Variants in UBE3B observed in about 807,000 individuals in gnomAD.
The protein encoded by UBE3B is ubiquitin-protein ligase E3B.
A neutral mutation model predicts 132.3 loss-of-function variants in UBE3B; 80 were observed. The observed-to-expected ratio is 0.60, with a 90% CI of 0.50 to 0.73. UBE3B has a LOEUF of 0.73. Ranked by LOEUF, UBE3B falls within the 30% of genes least tolerant of loss-of-function variation. The pLI, the probability that UBE3B is intolerant of heterozygous loss-of-function variation, is 0.00. For synonymous variants in UBE3B, 487 were observed against 520.4 expected (o/e 0.94, Z 0.87); for missense variants, 1,196 against 1,362.5 (o/e 0.88, Z 1.92).
At chr12:109,523,941 C>T (rs1881999276) in intron 21 of UBE3B, 37 bp from the exon 22 acceptor site, 1 of 1,611,552 alleles carries the variant, frequency 6.2e-7, no homozygotes. Flanking sequence ...CATCAGAATC[C>T]TGGCTGATGG....
chr12:109,492,843 T>G (rs1877672831), intron 9 of UBE3B: 1 of 152,240 alleles, frequency 6.6e-6, no homozygotes, highest in Non-Finnish European at 1.5e-5. Flanking sequence ...ATCAATATTT[T>G]TAAATTATTT....
chr12:109,517,811 G>C (rs186652915), intron 19 of UBE3B: 17 of 321,216 alleles, frequency 5.3e-5, no homozygotes, highest in African/African-American at 3.4e-4. Context: ...TGGCCAGATA[G>C]CCACCCCCAC....
chr12:109,501,497 A>C lies in UBE3B; in HGVS notation c.1245A>C (p.Ala415=). Residue 415 remains alanine, a synonymous_variant, in exon 13 of 28, where the codon GCA becomes GCC. Transcript: ENST00000342494. ...TGGAGAGCCAGGAGCCAGCCCACGC[A>C]CAGCCAGCATCCCCTCAGAATGTGC... ...KLLESQEPAH[A]QPASPQNVLP... is the part of the protein sequence containing the mutation. 1 of 1,614,208 alleles carries C rather than the reference A, an allele frequency of 6.2e-7. No homozygotes were observed. The highest frequency in any genetic ancestry group is 1.1e-5 in the South Asian group (1 of 91,086).
chr12:109,481,142 A>G (rs1875339671), intron 1 of UBE3B, among the ~76,000 whole-genome samples: 2 of 151,686 alleles, frequency 1.3e-5, no homozygotes, highest in African/African-American at 2.4e-5. Flanking sequence ...GGCCGGGCAC[A>G]GTGGCTCACA....
chr12:109,486,364 C>G, intron 5 of UBE3B, 107 bp from the exon 6 acceptor site: 2 of 920,972 alleles, frequency 2.2e-6, no homozygotes, highest in Non-Finnish European at 3.3e-6. Context: ...AGGTCCACTG[C>G]TTTATCTGGC....
rs578120021 is a variant in UBE3B at position 109,511,785 on chromosome 12, T to C, written c.1956+482T>C. Among the ~76,000 whole-genome samples, 3 of 152,088 alleles carry C rather than the reference T, an allele frequency of 2.0e-5. No homozygotes were observed. The East Asian group carries it at 5.8e-4, about 29-fold the overall frequency. ...CAAAGCCACCGGAGGGCTGGAAGCTTAGGAGGCACCTGGTCAGAGCCATAC... is the reference window on the plus strand; with the variant it reads ...CAAAGCCACCGGAGGGCTGGAAGCTCAGGAGGCACCTGGTCAGAGCCATAC... On this transcript the variant is annotated intron_variant, in intron 18 of 27. Transcript: ENST00000342494.
chr12:109,547,710 A>T, the UBE3B span, among the ~76,000 whole-genome samples: 1 of 152,016 alleles, frequency 6.6e-6, no homozygotes, highest in Non-Finnish European at 1.5e-5. This position sits in a 1 kb window ranked among gnomAD's most constrained non-coding sequence, Gnocchi z 4.1. Flanking sequence ...AAACCCCAAC[A>T]CACGCCAAAA....
At chr12:109,523,864 G>A (rs917254680) in intron 21 of UBE3B, 114 bp from the exon 22 acceptor site, 51 of 1,465,888 alleles carry the variant, frequency 3.5e-5, no homozygotes, top group Non-Finnish European at 4.6e-5. Context: ...ACTTAGGAGG[G>A]GCCTGGAAAT....
chr12:109,490,611 A>G (rs1480381636), intron 8 of UBE3B: 37 of 1,534,656 alleles, frequency 2.4e-5, no homozygotes, highest in Non-Finnish European at 2.8e-5. Context: ...CTTCTACTTC[A>G]TACCATAATT....
At chr12:109,528,417 GT>G in intron 24 of UBE3B, 1 of 984,738 alleles carries the variant, frequency 1.0e-6, no homozygotes, top group Non-Finnish European at 1.2e-6. Context: ...TAATATACAG[GT>G]TTGCTGCTGG....
intron 26 of UBE3B, among the ~76,000 whole-genome samples, chr12:109,532,705 C>T (rs191030526): frequency 3.9e-4 from 59 of 152,352 alleles, no homozygotes; most frequent in Non-Finnish European, 6.2e-4. Flanking sequence ...GCTTGGAGAA[C>T]GCCGGGAGTT....
chr12:109,545,721 G>T, the UBE3B span, among the ~76,000 whole-genome samples: 2 of 152,170 alleles, frequency 1.3e-5, no homozygotes, highest in Non-Finnish European at 2.9e-5. Flanking sequence ...TCTGGAGCCC[G>T]CTGCCTCCAC....
At chr12:109,494,321 T>G (rs937804033) in intron 9 of UBE3B, among the ~76,000 whole-genome samples, 1 of 152,220 alleles carries the variant, frequency 6.6e-6, no homozygotes, top group Non-Finnish European at 1.5e-5. Flanking sequence ...ATAATATATA[T>G]ATTTTTTAGT....
At chr12:109,478,848 A>G (rs7959161) in intron 1 of UBE3B, among the ~76,000 whole-genome samples, 2,529 of 152,352 alleles carry the variant, frequency 0.017, 84 homozygotes, top group African/African-American at 0.059. Flanking sequence ...TAATCTGTGC[A>G]GTGTCTGATA....
chr12:109,533,784 TC>T, intron 27 of UBE3B: 1 of 874,156 alleles, frequency 1.1e-6, no homozygotes, highest in Non-Finnish European at 1.8e-6. Flanking sequence ...CCTTTCTCTT[TC>T]CTTCCTCAGG....
intron 6 of UBE3B, among the ~76,000 whole-genome samples, chr12:109,487,703 A>G (rs1592886993): frequency 6.6e-6 from 1 of 152,310 alleles, no homozygotes; most frequent in African/African-American, 2.4e-5. Flanking sequence ...ATTTTGGACA[A>G]ACAAAAAAAG....
At chr12:109,546,834 C>T in the UBE3B span, among the ~76,000 whole-genome samples, 2 of 152,204 alleles carry the variant, frequency 1.3e-5, no homozygotes, top group South Asian at 2.1e-4. Flanking sequence ...CTCAGCCTCC[C>T]GAGTGGCTGG....
chr12:109,525,582 G>T (rs958374685), intron 23 of UBE3B, among the ~76,000 whole-genome samples: 1 of 152,152 alleles, frequency 6.6e-6, no homozygotes, highest in Non-Finnish European at 1.5e-5. Flanking sequence ...TATTAAAATT[G>T]GCTTCAAATG....
chr12:109,545,286 G>A, the UBE3B span, among the ~76,000 whole-genome samples: 2 of 152,218 alleles, frequency 1.3e-5, no homozygotes, highest in Admixed American at 1.3e-4. Flanking sequence ...AAGCCAGACT[G>A]CCAGGGAGTT....
Sources: allele counts gnomAD v4.1 joint callset (sites outside exome capture counted in the v4.1 genomes callset), GRCh38; gene constraint gnomAD v4.1.1; non-coding constraint Gnocchi (gnomAD v3.1); transcripts MANE v1.5; gene names NCBI Gene and HGNC (gene_info 2026-07-23, HGNC 2026-07-21).